ZC3H11A: variants seen among roughly 807,000 people sequenced by gnomAD.
ZC3H11A encodes zinc finger CCCH-type containing 11A.
ZC3H11A carries 22 observed loss-of-function variants against 90.8 expected under a neutral mutation model. The ratio of observed to expected loss-of-function variants is 0.24; its 90% confidence interval spans 0.17 to 0.35. ZC3H11A has a LOEUF of 0.35. ZC3H11A is among the 10% of genes least tolerant of loss of function. ZC3H11A has a pLI of 1.00. For synonymous variants in ZC3H11A, 294 were observed against 339.8 expected, an observed-to-expected ratio of 0.87 and a Z score of 1.48; for missense variants, 701 against 964.9, an observed-to-expected ratio of 0.73 and a Z score of 3.62.
intron 8 of ZC3H11A, among the ~76,000 whole-genome samples, 190 bp from the exon 9 acceptor site, chr1:203,831,471 C>T (rs1414530209): frequency 3.3e-5 from 5 of 152,154 alleles, no homozygotes; most frequent in Admixed American, 3.3e-4. Context: ...TTTGTTTTCA[C>T]ATCATGCCCA....
chr1:203,810,487 T>G (rs1674053583), intron 2 of ZC3H11A, among the ~76,000 whole-genome samples: 1 of 150,598 alleles, frequency 6.6e-6, no homozygotes, highest in Admixed American at 6.6e-5. Context: ...TGGCGCGATC[T>G]CAGCTCACTG....
chr1:203,819,529 A>ATTTTTTTTTT (rs755259647), intron 4 of ZC3H11A, among the ~76,000 whole-genome samples: 35 of 72,878 alleles, frequency 4.8e-4, no homozygotes, highest in East Asian at 7.2e-4. Flanking sequence ...GCTGACTCCA[A>ATTTTTTTTTT]TTTTTTTTTT....
At chr1:203,833,619 T>TTTTTTTTG (rs1683208929) in intron 9 of ZC3H11A, among the ~76,000 whole-genome samples, 172 bp from the exon 10 acceptor site, 1 of 7,316 alleles carries the variant, frequency 1.4e-4, no homozygotes, top group African/African-American at 2.7e-4. Flanking sequence ...TAGGTTTGGG[T>TTTTTTTTG]TTTTTTTTTT....
chr1:203,810,734 CGAA>C (rs1674185935), intron 2 of ZC3H11A, among the ~76,000 whole-genome samples: 1 of 151,988 alleles, frequency 6.6e-6, no homozygotes, highest in Non-Finnish European at 1.5e-5. Flanking sequence ...TTAGATCTGA[CGAA>C]GGAGTTTTTT....
chr1:203,850,248 C>A (rs1688943466), intron 15 of ZC3H11A: 1 of 651,608 alleles, frequency 1.5e-6, no homozygotes, highest in East Asian at 2.8e-5. Context: ...GTAAAACTTT[C>A]TATGGTGCAT....
At chr1:203,819,295 T>C (rs1265785356) in intron 4 of ZC3H11A, among the ~76,000 whole-genome samples, 1 of 150,470 alleles carries the variant, frequency 6.6e-6, no homozygotes, top group South Asian at 2.1e-4. Flanking sequence ...AATCTCTGCT[T>C]ACTGCAACCT....
chr1:203,847,655 C>T lies in ZC3H11A; in HGVS notation c.1514C>T (p.Ala505Val). The part of the protein sequence containing the change: ...SPSQHEATPG[A>V]RRLLRITKRT... ...TCTCAACACGAGGCCACTCCAGGGG[C>T]AAGGCGGCTGCTGCGAATCACCAAA... The change falls in exon 13 of 18, where the codon GCA becomes GTA. Residue 505 changes from alanine to valine, a missense_variant. Around this residue, in one of 4 missense-constraint regions of ZC3H11A, gnomAD observed 530 missense variants for 696.2 expected, o/e 0.76. Transcript: ENST00000367210. The T allele has an allele frequency of 6.2e-7, 1 of 1,612,708 alleles. No individual in the cohort carries two copies. Among genetic ancestry groups the T allele is most frequent in the Non-Finnish European group, 8.5e-7 (1 of 1,179,896 alleles).
intron 11 of ZC3H11A, among the ~76,000 whole-genome samples, chr1:203,838,865 AT>A (rs1227345691): frequency 2.0e-5 from 3 of 150,496 alleles, no homozygotes; most frequent in African/African-American, 7.4e-5. Flanking sequence ...AGGCAGGAGA[AT>A]TGTGTGAACC....
chr1:203,831,631 A>C (rs1003198386), intron 8 of ZC3H11A, 30 bp from the exon 9 acceptor site: 1 of 1,580,076 alleles, frequency 6.3e-7, no homozygotes, highest in Middle Eastern at 2.0e-4. Flanking sequence ...TCCATAAATT[A>C]TTTGCTGTTC....
At chr1:203,808,536 A>G (rs1190456335) in intron 2 of ZC3H11A, among the ~76,000 whole-genome samples, 1 of 152,186 alleles carries the variant, frequency 6.6e-6, no homozygotes, top group Non-Finnish European at 1.5e-5. Flanking sequence ...AATCTCTACA[A>G]ATTCCATTCC....
chr1:203,837,697 C>G (rs768182018), intron 10 of ZC3H11A, among the ~76,000 whole-genome samples: 10 of 152,036 alleles, frequency 6.6e-5, no homozygotes, highest in Non-Finnish European at 1.5e-4. Flanking sequence ...AGGCTGGTCT[C>G]GAACTCCTGG....
intron 15 of ZC3H11A, 73 bp downstream of exon 15, chr1:203,850,099 C>A: frequency 7.3e-7 from 1 of 1,370,302 alleles, no homozygotes; most frequent in South Asian, 1.3e-5. Flanking sequence ...TTGCCAGTAA[C>A]TTCCTGGCAA....
intron 2 of ZC3H11A, chr1:203,805,923 C>A: frequency 1.5e-6 from 1 of 666,094 alleles, no homozygotes; most frequent in Non-Finnish European, 2.8e-6. Context: ...TGTCTACCTT[C>A]ATTTCCTTTG....
intron 2 of ZC3H11A, among the ~76,000 whole-genome samples, chr1:203,814,278 CTTTGGG>C (rs1675496675): frequency 6.6e-6 from 1 of 152,196 alleles, no homozygotes; most frequent in South Asian, 2.1e-4. Context: ...AATCCCAGCA[CTTTGGG>C]AGGCTGAGGT....
At chr1:203,848,230 C>T in intron 13 of ZC3H11A, 101 bp from the exon 14 acceptor site, 2 of 948,054 alleles carry the variant, frequency 2.1e-6, no homozygotes, top group South Asian at 3.2e-5. Context: ...TTTTATTTGT[C>T]CTGTCTTACT....
At chr1:203,849,645 G>T (rs777443334) in intron 14 of ZC3H11A, 66 bp from the exon 15 acceptor site, 1 of 1,457,646 alleles carries the variant, frequency 6.9e-7, no homozygotes, top group South Asian at 1.2e-5. Flanking sequence ...TGTTAGCCTG[G>T]TACTTACATC....
rs1053789508 is a variant in ZC3H11A at position 203,801,996 on chromosome 1, T to G, written c.-1166T>G. ...CGTAAGCAAGCCTTTCCAGGGCCAC[T>G]ATTTAATGGCAAACCAGTGATACTG... On this transcript the variant is annotated 5_prime_UTR_variant, in exon 2 of 18. Transcript: ENST00000367210. The G allele has an allele frequency of 6.6e-6, 1 of 152,648 alleles. No individual in the cohort carries two copies. Among genetic ancestry groups the G allele is most frequent in the African/African-American group, 2.4e-5 (1 of 41,464 alleles). The allele number at this position is 152,648 out of a possible 1,614,324, so 9.5% of individuals were successfully genotyped here. A position where few individuals can be genotyped will look rare whatever the true frequency, so the allele number is the denominator to read the frequency against.
At chr1:203,844,938 C>T (rs1687481363) in intron 12 of ZC3H11A, among the ~76,000 whole-genome samples, 1 of 152,048 alleles carries the variant, frequency 6.6e-6, no homozygotes, top group Non-Finnish European at 1.5e-5. Context: ...GCAAACTTGC[C>T]TCTTTTTAGG....
chr1:203,829,049 A>G (rs1002200673), intron 5 of ZC3H11A, among the ~76,000 whole-genome samples: 1 of 152,216 alleles, frequency 6.6e-6, no homozygotes, highest in Non-Finnish European at 1.5e-5. Context: ...TTTTACCTCA[A>G]TTTAAGGGAA....
Sources: gnomAD v4.1 joint callset for allele counts (sites outside exome capture counted in the v4.1 genomes callset) on GRCh38, gnomAD v4.1.1 for gene constraint, gnomAD v4.1.1 regional missense constraint, MANE v1.5 for transcripts, NCBI Gene and HGNC (gene_info 2026-07-23, HGNC 2026-07-21) for gene names.